The following LPP variants were observed in gnomAD, a reference collection of about 807,000 sequenced individuals.
The protein encoded by LPP is LIM domain containing preferred translocation partner in lipoma.
Under a neutral mutation model 60.4 loss-of-function variants are expected in LPP, and 38 were observed. That is an observed-to-expected ratio of 0.63 (90% CI 0.49 to 0.83). The LOEUF (loss-of-function observed/expected upper bound fraction) is 0.83, where lower values mean the gene tolerates loss of function less well. Among genes scored for constraint, LPP ranks in the 40% least tolerant of loss-of-function variants. LPP has a pLI of 0.00. For synonymous variants in LPP, 328 were observed against 290.8 expected (o/e 1.13, Z -1.30); for missense variants, 902 against 783.6 (o/e 1.15, Z -1.80).
At position 188,610,932 on chromosome 3, in the gene LPP, G is replaced by A. The variant is rs1021743851; in HGVS notation, c.1113+1088G>A. Reference sequence around the variant, plus strand: ...AGCTAGAAGTTCAATGGTAGTTTTGGGGGATGGATTGGGTAGAAGTTTGGA... The same window carrying A: ...AGCTAGAAGTTCAATGGTAGTTTTGAGGGATGGATTGGGTAGAAGTTTGGA... On this transcript the variant is annotated intron_variant, in intron 7 of 11. Coordinates refer to ENST00000617246, the MANE Select transcript of LPP (RefSeq NM_001375462.1). The surrounding 1 kb of genome is among the most constrained non-coding windows in gnomAD (Gnocchi z 4.4). 6.6e-6 allele frequency among the ~76,000 whole-genome samples: 1 copy of A among 152,186 alleles called. No individual in the cohort carries two copies. Among genetic ancestry groups the A allele is most frequent in the South Asian group, 2.1e-4 (1 of 4,834 alleles).
At chr3:188,566,696 T>C (rs1832255723) in intron 6 of LPP, among the ~76,000 whole-genome samples, 1 of 151,834 alleles carries the variant, frequency 6.6e-6, no homozygotes, top group African/African-American at 2.4e-5. Context: ...AATCTATGCT[T>C]GAGTTGTGTG....
intron 3 of LPP, among the ~76,000 whole-genome samples, chr3:188,394,242 T>G (rs935753418): frequency 6.6e-6 from 1 of 152,206 alleles, no homozygotes; most frequent in African/African-American, 2.4e-5. Context: ...AGGTCTGCTA[T>G]GTATTAGAGG....
At chr3:188,738,340 T>C (rs563550674) in intron 8 of LPP, among the ~76,000 whole-genome samples, 1 of 152,312 alleles carries the variant, frequency 6.6e-6, no homozygotes, top group East Asian at 1.9e-4. Flanking sequence ...TATAATTTCC[T>C]CAGCAACTCT....
chr3:188,434,953 G>A (rs1791934347), intron 4 of LPP, among the ~76,000 whole-genome samples: 1 of 152,196 alleles, frequency 6.6e-6, no homozygotes, highest in African/African-American at 2.4e-5. Context: ...CTAGGAACAA[G>A]TATACATGAA....
chr3:188,174,448 T>C (rs1284425722), intron 1 of LPP, among the ~76,000 whole-genome samples: 1 of 152,218 alleles, frequency 6.6e-6, no homozygotes, highest in African/African-American at 2.4e-5. Flanking sequence ...CAGGCATTGA[T>C]ACCCGAGGAA....
intron 5 of LPP, among the ~76,000 whole-genome samples, chr3:188,507,960 T>C (rs192492723): frequency 6.6e-5 from 10 of 152,354 alleles, no homozygotes; most frequent in South Asian, 2.1e-4. Flanking sequence ...AATCTAAGGC[T>C]ATATCATTAG....
chr3:188,698,498 C>T (rs1269909499), intron 7 of LPP, among the ~76,000 whole-genome samples: 3 of 151,944 alleles, frequency 2.0e-5, no homozygotes, highest in African/African-American at 7.3e-5. Flanking sequence ...CGAGAAAACT[C>T]GCTTTCTCCT....
At chr3:188,276,894 CTTTTTT>C (rs1203656488) in intron 2 of LPP, among the ~76,000 whole-genome samples, 2 of 38,224 alleles carry the variant, frequency 5.2e-5, no homozygotes, top group Admixed American at 7.3e-4. Context: ...CTTTTCTTTT[CTTTTTT>C]TTTTTTTTTT....
intron 2 of LPP, among the ~76,000 whole-genome samples, chr3:188,269,736 C>T (rs980690697): frequency 2.0e-5 from 3 of 151,386 alleles, no homozygotes. Context: ...CTGCAACCTC[C>T]GCCTCCTGGG....
chr3:188,336,983 A>G (rs1033282939), intron 2 of LPP, among the ~76,000 whole-genome samples: 2 of 152,110 alleles, frequency 1.3e-5, no homozygotes, highest in South Asian at 4.1e-4. Flanking sequence ...CAGATTAAGT[A>G]CTGGGGTGCG....
rs542213743 is a variant in LPP, at chr3:188,154,187, A to AGCC, written c.-230_-228dup. ...CTCCTCTGCCTCTGCCTCCGCCTCC[A>AGCC]GCCGCCGCCGCCGCCGCCGCCGCCG... On this transcript the variant is annotated 5_prime_UTR_variant, in exon 1 of 12. Coordinates refer to ENST00000617246, the MANE Select transcript of LPP (RefSeq NM_001375462.1). The AGCC allele has an allele frequency of 0.26, 55,622 of 211,876 alleles. 7,136 individuals are homozygous for AGCC. Among genetic ancestry groups the AGCC allele is most frequent in the Non-Finnish European group, 0.32 (34,570 of 109,020 alleles). 13.1% of individuals were successfully genotyped at this position (211,876 alleles called of 1,614,324 possible). A position where few individuals can be genotyped will look rare whatever the true frequency, so the allele number is the denominator to read the frequency against.
chr3:188,383,738 A>G (rs1192528924), intron 3 of LPP, among the ~76,000 whole-genome samples: 1 of 152,068 alleles, frequency 6.6e-6, no homozygotes, highest in East Asian at 1.9e-4. Flanking sequence ...AGAATAATTT[A>G]CTTCTTTCAC....
intron 9 of LPP, among the ~76,000 whole-genome samples, chr3:188,789,599 G>A (rs926576674): frequency 6.6e-6 from 1 of 151,930 alleles, no homozygotes; most frequent in African/African-American, 2.4e-5. Flanking sequence ...AGCTTTTGAT[G>A]TGCTTGCAAA....
At chr3:188,646,066 T>C (rs754662061) in intron 7 of LPP, among the ~76,000 whole-genome samples, 70 of 152,350 alleles carry the variant, frequency 4.6e-4, no homozygotes, top group Non-Finnish European at 8.1e-4. Context: ...CATTGTTATA[T>C]GTCCTTACCT....
chr3:188,872,799 A>G, intron 11 of LPP, 36 bp downstream of exon 11: 1 of 1,613,468 alleles, frequency 6.2e-7, no homozygotes, highest in Non-Finnish European at 8.5e-7. Context: ...AGTCTGTGGC[A>G]GGCGTTGAAA....
intron 6 of LPP, among the ~76,000 whole-genome samples, chr3:188,542,342 A>G (rs141962844): frequency 2.6e-4 from 40 of 152,342 alleles, no homozygotes; most frequent in Non-Finnish European, 2.9e-4. Flanking sequence ...GTCACACACA[A>G]TATCTTGTTA....
intron 3 of LPP, among the ~76,000 whole-genome samples, chr3:188,374,644 G>A (rs10937346): frequency 0.87 from 132,338 of 152,130 alleles, 59,263 homozygotes; most frequent in Non-Finnish European, 0.97. Flanking sequence ...CAATCATGTC[G>A]TCTGCAAACA....
At chr3:188,214,054 G>A (rs940747677) in intron 1 of LPP, among the ~76,000 whole-genome samples, 5 of 149,154 alleles carry the variant, frequency 3.4e-5, no homozygotes, top group South Asian at 2.2e-4. Context: ...GACCTATTAC[G>A]TCACCTCAGA....
intron 2 of LPP, among the ~76,000 whole-genome samples, chr3:188,252,267 A>T (rs1282196807): frequency 4.6e-5 from 6 of 131,266 alleles, no homozygotes; most frequent in Admixed American, 1.6e-4. Context: ...CTTCTTTTGC[A>T]CTCTGATTTC....
Sources: gnomAD v4.1 joint callset for allele counts (sites outside exome capture counted in the v4.1 genomes callset) on GRCh38, gnomAD v4.1.1 for gene constraint, Gnocchi (gnomAD v3.1) non-coding constraint, MANE v1.5 for transcripts, NCBI Gene and HGNC (gene_info 2026-07-23, HGNC 2026-07-21) for gene names.